The following TBC1D22A variants were observed in gnomAD, a reference collection of about 807,000 sequenced individuals.
TBC1D22A encodes the protein putative GTPase activator.
In TBC1D22A, 38 loss-of-function variants were observed where a neutral mutation model predicts 60.2. The ratio of observed to expected loss-of-function variants is 0.63; its 90% confidence interval spans 0.49 to 0.83. The LOEUF (loss-of-function observed/expected upper bound fraction) is 0.83. TBC1D22A is among the 40% of genes least tolerant of loss of function. TBC1D22A has a pLI of 0.00. For missense variants in TBC1D22A, 628 were observed against 701.0 expected (o/e 0.90, Z 1.18); for synonymous variants, 302 against 281.7 (o/e 1.07, Z -0.72).
intron 4 of TBC1D22A, among the ~76,000 whole-genome samples, chr22:46,874,554 AGGTATGTCTTTTTTTTT>A (rs2147457940): frequency 7.7e-6 from 1 of 129,340 alleles, no homozygotes; most frequent in African/African-American, 3.0e-5. Flanking sequence ...GTTTGGCTAC[AGGTATGTCTTTTTTTTT>A]TTTTTTTTTT....
chr22:47,171,992 C>T (rs1421956532), intron 12 of TBC1D22A, among the ~76,000 whole-genome samples: 7 of 143,778 alleles, frequency 4.9e-5, no homozygotes, highest in South Asian at 2.2e-4. Flanking sequence ...CTGCCCAGTG[C>T]GCCCGGTGAG....
intron 12 of TBC1D22A, among the ~76,000 whole-genome samples, chr22:47,168,475 G>T (rs566110539): frequency 3.9e-5 from 6 of 152,258 alleles, no homozygotes; most frequent in African/African-American, 7.2e-5. Context: ...TGAAGTAGAT[G>T]GTGGAGATGC....
intron 8 of TBC1D22A, among the ~76,000 whole-genome samples, chr22:46,944,529 G>A (rs2072392401): frequency 6.6e-6 from 1 of 152,230 alleles, no homozygotes; most frequent in Non-Finnish European, 1.5e-5. Flanking sequence ...CTCCCAAGTA[G>A]CTGGGACTAC....
chr22:47,173,565 T>G lies in TBC1D22A; in HGVS notation c.1493T>G (p.Leu498Arg). The G allele has an allele frequency of 6.2e-7, 1 of 1,614,146 alleles. No individual in the cohort carries two copies. The highest frequency in any genetic ancestry group is 8.5e-7 in the Non-Finnish European group (1 of 1,180,010). Residue 498 changes from leucine (L) to arginine (R), a missense_variant, in exon 13 of 13, where the codon CTG becomes CGG. Physicochemically the swap from Leu to Arg is moderately radical, Grantham distance 102 (BLOSUM62 -2). Transcript: ENST00000337137. ...HWDDEDISLL[L>R]AEAYRLKFAF... ...GATGATGAGGACATCAGCCTGTTGC[T>G]GGCCGAGGCCTACCGCCTCAAGTTT...
At chr22:47,069,635 C>G (rs1569415782) in intron 11 of TBC1D22A, among the ~76,000 whole-genome samples, 1 of 146,518 alleles carries the variant, frequency 6.8e-6, no homozygotes, top group Non-Finnish European at 1.5e-5. Context: ...ACGCTGTTCC[C>G]TGTTTGGATG....
intron 7 of TBC1D22A, among the ~76,000 whole-genome samples, chr22:46,904,109 ATC>A (rs1176935651): frequency 4.6e-5 from 3 of 65,616 alleles, no homozygotes; most frequent in Admixed American, 1.8e-4. Context: ...CTATCTATCT[ATC>A]TATCTATCTA....
intron 11 of TBC1D22A, among the ~76,000 whole-genome samples, chr22:47,062,408 G>A (rs1307115787): frequency 6.6e-6 from 1 of 152,152 alleles, no homozygotes; most frequent in African/African-American, 2.4e-5. Flanking sequence ...CAGTCAGCTC[G>A]GAAGCAGCAC....
Position 47,037,218 on chromosome 22 carries a change from C to G in TBC1D22A, c.1329+20C>G. 5 of 1,611,630 alleles carry G rather than the reference C, an allele frequency of 3.1e-6. No homozygotes were observed. The highest frequency in any genetic ancestry group is 3.4e-6 in the Non-Finnish European group (4 of 1,178,954). ...TACCAGGTGAGCTCTCCTTCGCACC[C>G]TCCGCCATGGGGGTGCCAGGAGCCC... On this transcript the variant is annotated intron_variant, in intron 11 of 12. Transcript: ENST00000337137.
intron 4 of TBC1D22A, among the ~76,000 whole-genome samples, chr22:46,816,171 C>A (rs889537467): frequency 2.0e-5 from 3 of 152,200 alleles, no homozygotes; most frequent in African/African-American, 7.2e-5. Context: ...CCTGCCTGCT[C>A]TTGGCGGCAG....
At chr22:46,804,134 T>C (rs1017740694) in intron 4 of TBC1D22A, among the ~76,000 whole-genome samples, 1 of 152,238 alleles carries the variant, frequency 6.6e-6, no homozygotes, top group Admixed American at 6.5e-5. Flanking sequence ...CGTGTGACTC[T>C]GGGTTTGCGT....
intron 6 of TBC1D22A, among the ~76,000 whole-genome samples, chr22:46,893,261 G>A (rs1045027731): frequency 2.3e-4 from 35 of 152,208 alleles, no homozygotes; most frequent in Non-Finnish European, 4.1e-4. Context: ...AGAGTTAAAC[G>A]TTCATCTGGT....
intron 4 of TBC1D22A, among the ~76,000 whole-genome samples, chr22:46,830,449 C>T (rs978420270): frequency 1.5e-4 from 23 of 152,252 alleles, no homozygotes; most frequent in African/African-American, 5.1e-4. Context: ...AGGCTGCAAG[C>T]TGTGAGCAGC....
intron 5 of TBC1D22A, among the ~76,000 whole-genome samples, chr22:46,889,370 G>A (rs763426348): frequency 7.9e-5 from 12 of 152,202 alleles, no homozygotes; most frequent in Non-Finnish European, 1.2e-4. Context: ...ACAGTACTAA[G>A]TGTTGGAAAG....
chr22:47,029,127 G>A (rs867517068), intron 10 of TBC1D22A, among the ~76,000 whole-genome samples: 11 of 151,620 alleles, frequency 7.3e-5, no homozygotes, highest in Non-Finnish European at 1.3e-4. Flanking sequence ...AGCCAAATGT[G>A]GAGAATCATG....
intron 10 of TBC1D22A, among the ~76,000 whole-genome samples, chr22:47,005,081 G>A (rs549978793): frequency 5.3e-5 from 8 of 151,294 alleles, no homozygotes; most frequent in Admixed American, 3.3e-4. Context: ...ACATATACAT[G>A]CATGCCTGTA....
intron 11 of TBC1D22A, among the ~76,000 whole-genome samples, chr22:47,094,756 C>G (rs1043740535): frequency 2.6e-5 from 4 of 152,028 alleles, no homozygotes; most frequent in African/African-American, 9.7e-5. Context: ...AGAGAGTGTT[C>G]ATACATTGGA....
chr22:47,015,384 G>A (rs902924802), intron 10 of TBC1D22A, among the ~76,000 whole-genome samples: 1 of 152,160 alleles, frequency 6.6e-6, no homozygotes, highest in Non-Finnish European at 1.5e-5. Flanking sequence ...GAATGCCTTC[G>A]GCCCTCTGTT....
At chr22:46,916,685 C>T (rs2070389671) in intron 8 of TBC1D22A, among the ~76,000 whole-genome samples, 1 of 152,228 alleles carries the variant, frequency 6.6e-6, no homozygotes, top group African/African-American at 2.4e-5. Context: ...ACCAGTTTCG[C>T]TCAGGCCCTG....
intron 11 of TBC1D22A, among the ~76,000 whole-genome samples, chr22:47,075,418 C>A (rs2064166683): frequency 6.6e-6 from 1 of 152,042 alleles, no homozygotes. Context: ...TGAGGGGGCC[C>A]ATGCCTGTAA....
Sources: allele counts gnomAD v4.1 joint callset (sites outside exome capture counted in the v4.1 genomes callset), GRCh38; gene constraint gnomAD v4.1.1; transcripts MANE v1.5; gene names NCBI Gene and HGNC (gene_info 2026-07-23, HGNC 2026-07-21).